The following VAT1L variants were observed in gnomAD, a reference collection of about 807,000 sequenced individuals.
VAT1L encodes the protein putative NADPH-dependent quinone oxidoreductase VAT1L.
In VAT1L, 34 loss-of-function variants were observed where a neutral mutation model predicts 44.1. The ratio of observed to expected loss-of-function variants is 0.77; its 90% CI spans 0.59 to 1.03. The LOEUF is 1.03. Among genes scored for constraint, VAT1L ranks in the 50% least tolerant of loss-of-function variants. The pLI is 0.00. For synonymous variants in VAT1L, 253 were observed against 202.2 expected, an observed-to-expected ratio of 1.25 and a Z score of -2.13; for missense variants, 615 against 538.8, an observed-to-expected ratio of 1.14 and a Z score of -1.40.
chr16:77,850,267 G>A (rs1417913742), intron 3 of VAT1L, among the ~76,000 whole-genome samples: 2 of 152,198 alleles, frequency 1.3e-5, no homozygotes, highest in African/African-American at 4.8e-5. Flanking sequence ...GTGTAAGGCT[G>A]TATGCACACT....
intron 4 of VAT1L, among the ~76,000 whole-genome samples, chr16:77,864,079 A>C (rs1172217092): frequency 1.3e-5 from 2 of 152,160 alleles, no homozygotes; most frequent in African/African-American, 4.8e-5. Context: ...TTGTCAGCAC[A>C]GGGAAGCAGA....
At chr16:77,829,597 A>C (rs777924904) in intron 3 of VAT1L, among the ~76,000 whole-genome samples, 9 of 152,234 alleles carry the variant, frequency 5.9e-5, no homozygotes, top group Non-Finnish European at 1.2e-4. Flanking sequence ...CCCAAATGGC[A>C]GTGCTCTTAA....
At chr16:77,850,504 T>A (rs529236687) in intron 3 of VAT1L, among the ~76,000 whole-genome samples, 15 of 152,248 alleles carry the variant, frequency 9.9e-5, no homozygotes, top group African/African-American at 3.6e-4. Context: ...TATGACCCTA[T>A]TTGCCTAAGA....
At chr16:77,824,776 G>C (rs2016498703) in intron 2 of VAT1L, among the ~76,000 whole-genome samples, 2 of 147,264 alleles carry the variant, frequency 1.4e-5, no homozygotes, top group African/African-American at 5.0e-5. Flanking sequence ...AAAAATGATT[G>C]TGATACTAAA....
intron 6 of VAT1L, among the ~76,000 whole-genome samples, chr16:77,883,889 A>T (rs1221909819): frequency 1.3e-5 from 2 of 152,024 alleles, no homozygotes; most frequent in Non-Finnish European, 2.9e-5. Context: ...TCCCCACCAC[A>T]TTGTGTAAAC....
chr16:77,822,345 G>A (rs1472774201), intron 2 of VAT1L, among the ~76,000 whole-genome samples: 1 of 151,982 alleles, frequency 6.6e-6, no homozygotes, highest in Non-Finnish European at 1.5e-5. Flanking sequence ...TACTGATCAG[G>A]CTGGGCTTGA....
intron 7 of VAT1L, among the ~76,000 whole-genome samples, chr16:77,969,412 G>A (rs1044206158): frequency 6.6e-6 from 1 of 152,020 alleles, no homozygotes; most frequent in African/African-American, 2.4e-5. Flanking sequence ...TGCTTCCAAG[G>A]TCTCTGTGGT....
intron 4 of VAT1L, among the ~76,000 whole-genome samples, chr16:77,866,946 G>A (rs1026041399): frequency 1.3e-5 from 2 of 152,134 alleles, no homozygotes; most frequent in Non-Finnish European, 2.9e-5. Context: ...GGTTGCGATC[G>A]ATTTCAGTAG....
intron 7 of VAT1L, among the ~76,000 whole-genome samples, chr16:77,928,801 C>G (rs2017697135): frequency 6.6e-6 from 1 of 151,768 alleles, no homozygotes; most frequent in East Asian, 1.9e-4. Context: ...GTCACTGTGC[C>G]AGTATGCTCT....
intron 7 of VAT1L, among the ~76,000 whole-genome samples, chr16:77,954,422 C>G (rs908690815): frequency 1.3e-5 from 2 of 152,108 alleles, no homozygotes; most frequent in South Asian, 2.1e-4. Context: ...ATCAGGAGTT[C>G]GAGACCAGCC....
rs549788465 is a variant in VAT1L at position 77,879,656 on chromosome 16, C to T, written c.882+432C>T. On this transcript the variant is annotated intron_variant, in intron 6 of 8. Coordinates refer to ENST00000302536, the MANE Select transcript of VAT1L (RefSeq NM_020927.3). The surrounding 1 kb of genome is among the most constrained non-coding windows in gnomAD (Gnocchi z 4.1). ...TTTCCTCGTTCATTTCCCATAAAAC[C>T]TGCACTCCTGCCCTATTCCCTGCAA... Among the ~76,000 whole-genome samples the T allele has an allele frequency of 1.3e-5, 2 of 152,316 alleles. No individual in the cohort carries two copies. The highest frequency in any genetic ancestry group is 2.1e-4 in the South Asian group (1 of 4,828).
intron 3 of VAT1L, among the ~76,000 whole-genome samples, chr16:77,826,475 AC>A (rs1226473728): frequency 6.6e-6 from 1 of 152,228 alleles, no homozygotes; most frequent in Non-Finnish European, 1.5e-5. Flanking sequence ...TAGAAATCAT[AC>A]ATAAACCTAA....
chr16:77,805,493 G>C (rs1177583542), intron 1 of VAT1L, among the ~76,000 whole-genome samples: 1 of 151,208 alleles, frequency 6.6e-6, no homozygotes. Flanking sequence ...TGGGAGTTAA[G>C]TGCTTTGATG....
At chr16:77,950,139 T>C (rs1407902121) in intron 7 of VAT1L, among the ~76,000 whole-genome samples, 1 of 152,206 alleles carries the variant, frequency 6.6e-6, no homozygotes, top group Non-Finnish European at 1.5e-5. Flanking sequence ...CCAGGTGCAG[T>C]GGCTCACGCC....
chr16:77,797,377 C>T (rs927645278), intron 1 of VAT1L, among the ~76,000 whole-genome samples: 5 of 152,180 alleles, frequency 3.3e-5, no homozygotes, highest in Admixed American at 6.5e-5. Flanking sequence ...TCCCAAAGTG[C>T]TGGGATTACA....
chr16:77,870,727 A>G (rs1210085986), intron 4 of VAT1L, among the ~76,000 whole-genome samples: 1 of 152,246 alleles, frequency 6.6e-6, no homozygotes, highest in Non-Finnish European at 1.5e-5. Flanking sequence ...GAATTGCTGC[A>G]TTTGGCCTTC....
At chr16:77,791,430 T>C (rs946070702) in intron 1 of VAT1L, among the ~76,000 whole-genome samples, 17 of 152,146 alleles carry the variant, frequency 1.1e-4, no homozygotes, top group Admixed American at 2.6e-4. Context: ...CAGGAAGAAA[T>C]ATCCATTTTA....
intron 3 of VAT1L, among the ~76,000 whole-genome samples, chr16:77,834,871 T>C (rs1247399556): frequency 2.0e-5 from 3 of 152,182 alleles, no homozygotes; most frequent in Non-Finnish European, 4.4e-5. Context: ...TACTTCTCAG[T>C]TTGCTCATTC....
chr16:77,939,221 C>T (rs1194108828), intron 7 of VAT1L, among the ~76,000 whole-genome samples: 1 of 152,164 alleles, frequency 6.6e-6, no homozygotes, highest in African/African-American at 2.4e-5. Flanking sequence ...GGACTAAACG[C>T]TTAACCAATT....
Sources: gnomAD v4.1 joint callset for allele counts (sites outside exome capture counted in the v4.1 genomes callset) on GRCh38, gnomAD v4.1.1 for gene constraint, Gnocchi (gnomAD v3.1) non-coding constraint, MANE v1.5 for transcripts, NCBI Gene and HGNC (gene_info 2026-07-23, HGNC 2026-07-21) for gene names.